The following RBMS1 variants were observed in gnomAD, a reference collection of about 807,000 sequenced individuals.
The protein encoded by RBMS1 is RNA binding motif single stranded interacting protein 1, also known as RNA-binding motif, single-stranded-interacting protein 1.
In RBMS1, 17 loss-of-function variants were observed where a neutral mutation model predicts 62.3. The observed-to-expected ratio is 0.27, with a 90% CI of 0.19 to 0.41. RBMS1 has a LOEUF of 0.41. Among genes scored for constraint, RBMS1 ranks in the 10% least tolerant of loss-of-function variants. The pLI, the probability that RBMS1 is intolerant of heterozygous loss-of-function variation, is 1.00. For missense variants in RBMS1, 334 were observed against 504.5 expected (o/e 0.66, Z 3.24); for synonymous variants, 172 against 170.0 (o/e 1.01, Z -0.09).
intron 2 of RBMS1, among the ~76,000 whole-genome samples, chr2:160,319,363 T>G (rs1035841290): frequency 6.6e-6 from 1 of 152,000 alleles, no homozygotes; most frequent in Non-Finnish European, 1.5e-5. Flanking sequence ...AATACAAAAA[T>G]TAGCTGGGTA....
chr2:160,444,712 T>C (rs950232297), intron 1 of RBMS1, among the ~76,000 whole-genome samples: 14 of 152,136 alleles, frequency 9.2e-5, no homozygotes, highest in African/African-American at 3.4e-4. Context: ...AGGAGGTAAT[T>C]AAAGTTAAAT....
At chr2:160,461,489 T>C (rs982490358) in intron 1 of RBMS1, among the ~76,000 whole-genome samples, 3 of 152,146 alleles carry the variant, frequency 2.0e-5, no homozygotes, top group Non-Finnish European at 2.9e-5. Context: ...GTCCCTTTCA[T>C]TTCATTTTTG....
At chr2:160,440,066 C>T (rs1000170381) in intron 1 of RBMS1, among the ~76,000 whole-genome samples, 1 of 60,500 alleles carries the variant, frequency 1.7e-5, no homozygotes. Flanking sequence ...AGAGGGAGAC[C>T]GTGGAGAGGG....
intron 1 of RBMS1, among the ~76,000 whole-genome samples, chr2:160,491,149 T>G (rs982740602): frequency 6.6e-6 from 1 of 151,984 alleles, no homozygotes; most frequent in Non-Finnish European, 1.5e-5. Flanking sequence ...TCTGCTTACC[T>G]AAAATTTGCA....
rs143158368 is a variant in RBMS1 at position 160,310,829 on chromosome 2, C to G, written c.402+2327G>C. Among the ~76,000 whole-genome samples, 524 of 152,186 alleles carry G rather than the reference C, an allele frequency of 3.4e-3. 2 individuals carry two copies. The highest frequency in any genetic ancestry group is 0.012 in the African/African-American group (495 of 41,510). ...TAGTCATAATAAACATATTTAAAAC[C>G]TCATAATCACCGTCTTTCAATAATG... is the stretch of plus-strand genomic sequence containing the variant. On this transcript the variant is annotated intron_variant, in intron 4 of 13. Coordinates refer to ENST00000348849, the MANE Select transcript of RBMS1 (RefSeq NM_016836.4).
At chr2:160,405,257 A>AG in intron 1 of RBMS1, among the ~76,000 whole-genome samples, 1 of 149,162 alleles carries the variant, frequency 6.7e-6, no homozygotes, top group Non-Finnish European at 1.5e-5. Flanking sequence ...CTTACATTCC[A>AG]TTTTTTTTTT....
At chr2:160,316,387 C>A (rs952428876) in intron 3 of RBMS1, among the ~76,000 whole-genome samples, 1 of 152,128 alleles carries the variant, frequency 6.6e-6, no homozygotes, top group African/African-American at 2.4e-5. Context: ...AAAGCAGTGT[C>A]TCCCAAAAAC....
intron 2 of RBMS1, among the ~76,000 whole-genome samples, chr2:160,347,177 T>G (rs1692232623): frequency 6.6e-6 from 1 of 152,122 alleles, no homozygotes; most frequent in Non-Finnish European, 1.5e-5. Context: ...TTTTCTTTTT[T>G]TTCACTAAGG....
In RBMS1 at chr2:160,493,421, C is replaced by G. The variant is rs1404877693; in HGVS notation, c.-58G>C. The G allele has an allele frequency of 1.6e-5, 25 of 1,544,804 alleles. No individual in the cohort carries two copies. Among genetic ancestry groups the G allele is most frequent in the Middle Eastern group, 1.7e-4 (1 of 5,942 alleles). On this transcript the variant is annotated 5_prime_UTR_variant, in exon 1 of 14. Transcript: ENST00000348849. ...CGGACACTTTGGGGTTTCCAAGTCT[C>G]GGGCTCTCCTGCCTCTCCCTTTCCG...
intron 1 of RBMS1, among the ~76,000 whole-genome samples, chr2:160,431,691 T>A (rs1229507031): frequency 6.6e-6 from 1 of 152,210 alleles, no homozygotes; most frequent in African/African-American, 2.4e-5. Context: ...TTCAGTTCCT[T>A]ATACTTGCAA....
intron 4 of RBMS1, among the ~76,000 whole-genome samples, chr2:160,311,224 C>CCATATATATATATATATATATA (rs71297446): frequency 3.7e-4 from 21 of 56,574 alleles, no homozygotes; most frequent in South Asian, 6.2e-4. Flanking sequence ...ATCTATCTAT[C>CCATATATATATATATATATATA]TATCTATCTA....
intron 1 of RBMS1, among the ~76,000 whole-genome samples, chr2:160,374,094 A>G (rs999169821): frequency 4.6e-5 from 7 of 151,992 alleles, no homozygotes; most frequent in Non-Finnish European, 1.0e-4. Context: ...ATAACATAGC[A>G]GGACCCTGAC....
intron 6 of RBMS1, among the ~76,000 whole-genome samples, chr2:160,288,044 TA>T (rs11375665): frequency 0.19 from 27,059 of 144,618 alleles, 3,163 homozygotes; most frequent in Admixed American, 0.36. Flanking sequence ...TCATTAGAGT[TA>T]AAAAAAAAAA....
chr2:160,337,164 C>G (rs554961801), intron 2 of RBMS1, among the ~76,000 whole-genome samples: 4 of 143,406 alleles, frequency 2.8e-5, no homozygotes, highest in Non-Finnish European at 6.0e-5. Context: ...GCCAGAGTCT[C>G]GCTCTATCGC....
chr2:160,275,814 A>T, intron 12 of RBMS1, 100 bp from the exon 13 acceptor site: 1 of 1,518,388 alleles, frequency 6.6e-7, no homozygotes, highest in Non-Finnish European at 9.0e-7. Context: ...AAAAACAGTT[A>T]CTCTTTAAAG....
chr2:160,396,550 C>CTTTT (rs59600753), intron 1 of RBMS1, among the ~76,000 whole-genome samples: 4 of 77,852 alleles, frequency 5.1e-5, no homozygotes, highest in African/African-American at 2.0e-4. Flanking sequence ...TTCTTTTTAT[C>CTTTT]TTTTTTTTTT....
chr2:160,467,784 G>A (rs1684754595), intron 1 of RBMS1, among the ~76,000 whole-genome samples: 1 of 152,086 alleles, frequency 6.6e-6, no homozygotes, highest in Non-Finnish European at 1.5e-5. Context: ...ACAGAAAACT[G>A]AGACACCAAA....
At chr2:160,420,168 C>T (rs1009721057) in intron 1 of RBMS1, among the ~76,000 whole-genome samples, 3 of 152,160 alleles carry the variant, frequency 2.0e-5, no homozygotes, top group Non-Finnish European at 2.9e-5. Flanking sequence ...TCCTAAAACT[C>T]CCACATCAAA....
chr2:160,406,715 C>T (rs60113421), intron 1 of RBMS1, among the ~76,000 whole-genome samples: 1 of 152,118 alleles, frequency 6.6e-6, no homozygotes, highest in Non-Finnish European at 1.5e-5. Context: ...CTTTTAAAAA[C>T]AAAGATGAAA....
Sources: gnomAD v4.1 joint callset for allele counts (sites outside exome capture counted in the v4.1 genomes callset) on GRCh38, gnomAD v4.1.1 for gene constraint, MANE v1.5 for transcripts, NCBI Gene and HGNC (gene_info 2026-07-23, HGNC 2026-07-21) for gene names.